Variants in CD38 observed in about 807,000 individuals in gnomAD.
The protein encoded by CD38 is ADP-ribosyl cyclase/cyclic ADP-ribose hydrolase 1.
In CD38, 31 loss-of-function variants were observed where a neutral mutation model predicts 36.3. That is an observed-to-expected ratio of 0.85 (90% CI 0.64 to 1.15). The LOEUF is 1.15. Ranked by LOEUF, CD38 falls within the 50% of genes most tolerant of loss-of-function variation. The probability of loss-of-function intolerance (pLI) is 0.00; values close to 1 mark genes in which losing one functional copy is unlikely to be tolerated. For missense variants in CD38, 380 were observed against 371.9 expected, an observed-to-expected ratio of 1.02 and a Z score of -0.18; for synonymous variants, 131 against 135.2, an observed-to-expected ratio of 0.97 and a Z score of 0.22.
chr4:15,807,937 A>AC (rs1723378143), intron 1 of CD38, among the ~76,000 whole-genome samples: 1 of 152,194 alleles, frequency 6.6e-6, no homozygotes, highest in Admixed American at 6.5e-5. Context: ...GATCCCTTTG[A>AC]CTGTGTGAGG....
At chr4:15,838,900 C>T (rs1261427600) in intron 5 of CD38, among the ~76,000 whole-genome samples, 1 of 152,180 alleles carries the variant, frequency 6.6e-6, no homozygotes, top group East Asian at 1.9e-4. Context: ...AGCTATTATT[C>T]TCATTTGCTG....
At position 15,834,214 on chromosome 4, in the gene CD38, TA is replaced by T; in HGVS notation, c.500-2del. 6.3e-7 allele frequency: 1 copy of T among 1,582,226 alleles called. No homozygotes were observed. The highest frequency in any genetic ancestry group is 8.7e-7 in the Non-Finnish European group (1 of 1,151,022). ...TTTATTTTCTACAAACTATGTCTTT[TA>T]GAAATAAACTATCAATCTTGCCCAG... On this transcript the variant is annotated splice_acceptor_variant, in intron 3 of 7. Transcript: ENST00000226279. LOFTEE classifies it high-confidence loss of function.
chr4:15,840,220 G>T (rs1012556749), intron 6 of CD38, 102 bp downstream of exon 6: 13 of 860,224 alleles, frequency 1.5e-5, no homozygotes, highest in Admixed American at 3.8e-5. Context: ...CTCAGGAAAT[G>T]AAACTACATG....
rs1724387971 is a variant in CD38 at position 15,851,628 on chromosome 4, CAT to C, written c.*3028_*3029del. On this transcript the variant is annotated 3_prime_UTR_variant, in exon 8 of 8. Coordinates refer to ENST00000226279, the MANE Select transcript of CD38 (RefSeq NM_001775.4). ...GAATACTTGAAAGGACACACACACA[CAT>C]ACGTAAGTGCATATGACTGCATACA... 1 of 152,182 alleles carries C rather than the reference CAT, an allele frequency of 6.6e-6. No homozygotes were observed. Among genetic ancestry groups the C allele is most frequent in the Non-Finnish European group, 1.5e-5 (1 of 68,042 alleles). 9.4% of individuals were successfully genotyped at this position (152,182 alleles called of 1,614,324 possible). A position where few individuals can be genotyped will look rare whatever the true frequency, so the allele number is the denominator to read the frequency against.
chr4:15,813,749 T>A (rs560924542), intron 1 of CD38, among the ~76,000 whole-genome samples: 3 of 152,216 alleles, frequency 2.0e-5, no homozygotes, highest in Non-Finnish European at 4.4e-5. Flanking sequence ...GCTTCCAGCT[T>A]CATCCATGTC....
In CD38 at chr4:15,852,474, C is replaced by T. The variant is rs1221843989; in HGVS notation, c.*3872C>T. On this transcript the variant is annotated 3_prime_UTR_variant, in exon 8 of 8. Coordinates refer to ENST00000226279, the MANE Select transcript of CD38 (RefSeq NM_001775.4). ...ACTGCTTTTGTGGGTTTTTAAAAGG[C>T]AAGTTGTTATATGTGCTGGATAGTT... is the stretch of plus-strand genomic sequence containing the variant. 1 of 152,046 alleles carries T rather than the reference C, an allele frequency of 6.6e-6. No individual in the cohort carries two copies. Among genetic ancestry groups the T allele is most frequent in the Non-Finnish European group, 1.5e-5 (1 of 68,012 alleles). The allele number at this position is 152,046 out of a possible 1,614,324, so 9.4% of individuals were successfully genotyped here.
chr4:15,803,860 G>T (rs768579014), intron 1 of CD38, among the ~76,000 whole-genome samples: 1 of 151,852 alleles, frequency 6.6e-6, no homozygotes, highest in Non-Finnish European at 1.5e-5. Context: ...ATGTCCATGC[G>T]TACCCAATGT....
rs80225519 is a variant in CD38 at position 15,848,671 on chromosome 4, A to G, written c.*69A>G. On this transcript the variant is annotated 3_prime_UTR_variant, in exon 8 of 8. Transcript: ENST00000226279. ...TATGTCATCATACATGACTCAGCAT[A>G]CCTGCTGGTGCAGAGCTGAAGATTT... is the stretch of plus-strand genomic sequence containing the variant. The G allele has an allele frequency of 7.7e-7, 1 of 1,298,340 alleles. No homozygotes were observed. Among genetic ancestry groups the G allele is most frequent in the East Asian group, 2.3e-5 (1 of 43,206 alleles). 80.4% of individuals were successfully genotyped at this position (1,298,340 alleles called of 1,614,324 possible). A position where few individuals can be genotyped will look rare whatever the true frequency, so the allele number is the denominator to read the frequency against.
chr4:15,841,951 A>C (rs1724221137), intron 7 of CD38, among the ~76,000 whole-genome samples: 1 of 135,720 alleles, frequency 7.4e-6, no homozygotes, highest in Admixed American at 7.1e-5. Flanking sequence ...GCAGTCTGAG[A>C]TCAAACTGCA....
intron 3 of CD38, among the ~76,000 whole-genome samples, chr4:15,828,638 C>A (rs1180698825): frequency 6.6e-6 from 1 of 152,126 alleles, no homozygotes; most frequent in Non-Finnish European, 1.5e-5. Context: ...TCTATATTGT[C>A]ACAAATGACA....
chr4:15,835,348 C>A (rs1577659220), intron 4 of CD38, among the ~76,000 whole-genome samples: 1 of 141,994 alleles, frequency 7.0e-6, no homozygotes, highest in East Asian at 2.1e-4. Flanking sequence ...CATGTTGCTG[C>A]AAATGACAGG....
Position 15,778,460 on chromosome 4 carries a change from T to G in CD38, c.46T>G (p.Cys16Gly). The G allele has an allele frequency of 6.2e-7, 1 of 1,613,930 alleles. No homozygotes were observed. Among genetic ancestry groups the G allele is most frequent in the East Asian group, 2.2e-5 (1 of 44,824 alleles). The change falls in exon 1 of 8, where the codon TGC becomes GGC. Residue 16 changes from cysteine (C) to glycine (G), a missense_variant. By Grantham distance (159) the Cys-to-Gly change is radical (BLOSUM62 -3). Transcript: ENST00000226279. The surrounding 1 kb of genome is among the most constrained non-coding windows in gnomAD (Gnocchi z 4.9). Reference sequence around the variant, plus strand: ...CCCGGTGTCCGGGGACAAACCCTGCTGCCGGCTCTCTAGGAGAGCCCAACT... The same window carrying G: ...CCCGGTGTCCGGGGACAAACCCTGCGGCCGGCTCTCTAGGAGAGCCCAACT... ...FSPVSGDKPC[C>G]RLSRRAQLCL...
Position 15,849,662 on chromosome 4 carries a change from T to C in CD38, c.*1060T>C, listed in dbSNP as rs1287326141. 1.3e-5 allele frequency: 2 copies of C among 152,234 alleles called. No homozygotes were observed. Among genetic ancestry groups the C allele is most frequent in the East Asian group, 1.9e-4 (1 of 5,198 alleles). 9.4% of individuals were successfully genotyped at this position (152,234 alleles called of 1,614,324 possible). The stretch of plus-strand genomic sequence containing the variant: ...CCTTGCTTGAGGGCTTTAACAATTG[T>C]ATTACTTTTTCAAAGAACTAAGCTT... On this transcript the variant is annotated 3_prime_UTR_variant, in exon 8 of 8. Coordinates refer to ENST00000226279, the MANE Select transcript of CD38 (RefSeq NM_001775.4).
chr4:15,809,783 T>C (rs1723425654), intron 1 of CD38, among the ~76,000 whole-genome samples: 1 of 152,162 alleles, frequency 6.6e-6, no homozygotes, highest in Non-Finnish European at 1.5e-5. Context: ...GAAGAATCTT[T>C]GAAAAAAATA....
At chr4:15,794,493 A>G (rs1039399459) in intron 1 of CD38, among the ~76,000 whole-genome samples, 6 of 152,224 alleles carry the variant, frequency 3.9e-5, no homozygotes, top group Non-Finnish European at 7.3e-5. Flanking sequence ...ACATTTCAGA[A>G]AGAGGGGGTA....
chr4:15,820,390 T>C (rs1461896240), intron 2 of CD38, among the ~76,000 whole-genome samples: 1 of 151,968 alleles, frequency 6.6e-6, no homozygotes, highest in African/African-American at 2.4e-5. Context: ...CTAAAAGACA[T>C]GGAATGGCAA....
At chr4:15,805,583 TAGA>T (rs1723325052) in intron 1 of CD38, among the ~76,000 whole-genome samples, 1 of 152,230 alleles carries the variant, frequency 6.6e-6, no homozygotes, top group Non-Finnish European at 1.5e-5. Flanking sequence ...TGTAAACTCC[TAGA>T]AGAACAGAGA....
chr4:15,823,476 A>G (rs756100886), intron 2 of CD38, among the ~76,000 whole-genome samples: 1 of 152,234 alleles, frequency 6.6e-6, no homozygotes, highest in Non-Finnish European at 1.5e-5. Flanking sequence ...CAAATTTACA[A>G]GAAAAAAATA....
chr4:15,838,391 C>T (rs1724118605), intron 5 of CD38, among the ~76,000 whole-genome samples: 2 of 152,164 alleles, frequency 1.3e-5, no homozygotes, highest in Admixed American at 6.5e-5. Context: ...ATGGCCACTG[C>T]ACTGTATCTA....
Sources: allele counts gnomAD v4.1 joint callset (sites outside exome capture counted in the v4.1 genomes callset), GRCh38; gene constraint gnomAD v4.1.1; non-coding constraint Gnocchi (gnomAD v3.1); transcripts MANE v1.5; gene names NCBI Gene and HGNC (gene_info 2026-07-23, HGNC 2026-07-21).